ADD3: variants seen among roughly 807,000 people sequenced by gnomAD.
ADD3 encodes the protein adducin 3, also known as gamma-adducin.
In ADD3, 25 loss-of-function variants were observed where a neutral mutation model predicts 80.2. That is an observed-to-expected ratio of 0.31 (90% CI 0.23 to 0.44). The LOEUF is 0.44. ADD3 is among the 20% of genes least tolerant of loss of function. The probability of loss-of-function intolerance (pLI) is 1.00; values close to 1 mark genes in which losing one functional copy is unlikely to be tolerated. For synonymous variants in ADD3, 284 were observed against 289.6 expected (o/e 0.98, Z 0.20); for missense variants, 829 against 847.5 (o/e 0.98, Z 0.27).
rs1471237595 is a variant in ADD3, at chr10:110,115,464, G to A, written c.335-795G>A. On this transcript the variant is annotated intron_variant, in intron 3 of 14. Coordinates refer to ENST00000356080, the MANE Select transcript of ADD3 (RefSeq NM_016824.5). The stretch of plus-strand genomic sequence containing the variant: ...AGAACTAAAGACCAGGGAGTGAGTC[G>A]TCTACACAAAAATAACAATAGGGAG... Among the ~76,000 whole-genome samples, 5 of 152,030 alleles carry A rather than the reference G, an allele frequency of 3.3e-5. No individual in the cohort carries two copies. In the South Asian group the frequency reaches 8.3e-4, roughly 25 times the overall value.
chr10:110,006,370 C>G (rs577100799), upstream of ADD3, among the ~76,000 whole-genome samples: 1 of 152,196 alleles, frequency 6.6e-6, no homozygotes, highest in South Asian at 2.1e-4. Flanking sequence ...AAAAGGCTAA[C>G]CTTGATGCAT....
upstream of ADD3, among the ~76,000 whole-genome samples, chr10:110,003,607 A>T (rs544648476): frequency 5.3e-5 from 8 of 152,288 alleles, no homozygotes; most frequent in Admixed American, 5.2e-4. Context: ...ATACTGAGGC[A>T]CAAGCATGTC....
intron 1 of ADD3, among the ~76,000 whole-genome samples, chr10:110,096,594 G>T (rs181863685): frequency 4.9e-4 from 75 of 152,234 alleles, no homozygotes; most frequent in African/African-American, 1.6e-3. Context: ...AGTTAGCTGG[G>T]GGGGGTCTGC....
chr10:110,029,858 A>G (rs1423541522), intron 1 of ADD3, among the ~76,000 whole-genome samples: 1 of 152,240 alleles, frequency 6.6e-6, no homozygotes, highest in African/African-American at 2.4e-5. Context: ...ATCCTGACAA[A>G]TCAGATATAA....
In ADD3 at chr10:110,119,212, T is replaced by C. The variant is rs745630145; in HGVS notation, c.719T>C (p.Val240Ala). ...IHIHTLATAA[V>A]SSMKCGILPI... ...CTTGGTATGGGCCAAACCAAATAGGTATCCTCCATGAAATGTGGGATCCTT... is the reference window on the plus strand; with the variant it reads ...CTTGGTATGGGCCAAACCAAATAGGCATCCTCCATGAAATGTGGGATCCTT... The change falls in exon 7 of 15, where the codon GTA becomes GCA. Residue 240 changes from valine to alanine, a missense_variant and splice_region_variant. Val to Ala is a moderately conservative substitution (Grantham distance 64). Transcript: ENST00000356080. 2.0e-5 allele frequency: 32 copies of C among 1,613,922 alleles called. No homozygotes were observed. The highest frequency in any genetic ancestry group is 2.6e-5 in the Non-Finnish European group (31 of 1,179,974).
chr10:110,132,082 C>T (rs1315747498), intron 13 of ADD3, among the ~76,000 whole-genome samples: 1 of 152,190 alleles, frequency 6.6e-6, no homozygotes. Context: ...CTTTTGTAAC[C>T]TGTACGTAAA....
intron 1 of ADD3, among the ~76,000 whole-genome samples, chr10:110,036,375 CTTTTT>C (rs551028000): frequency 4.3e-5 from 5 of 116,796 alleles, no homozygotes; most frequent in African/African-American, 1.7e-4. Context: ...TAGAAAGTGT[CTTTTT>C]TTTTTTTTTT....
chr10:110,092,368 C>T (rs1172719408), intron 1 of ADD3, among the ~76,000 whole-genome samples: 3 of 152,118 alleles, frequency 2.0e-5, no homozygotes, highest in Non-Finnish European at 1.5e-5. Flanking sequence ...TACATATATA[C>T]CTTCGAATAC....
At chr10:110,078,850 T>C (rs1845682543) in intron 1 of ADD3, among the ~76,000 whole-genome samples, 2 of 152,260 alleles carry the variant, frequency 1.3e-5, no homozygotes, top group Admixed American at 6.5e-5. Flanking sequence ...TTTACAGTTA[T>C]GCTGGAGCAA....
At position 110,110,305 on chromosome 10, in the gene ADD3, A is replaced by G. The variant is rs115069528; in HGVS notation, c.196-2472A>G. 5.3e-3 allele frequency among the ~76,000 whole-genome samples: 814 copies of G among 152,252 alleles called. 6 individuals are homozygous for G. Among genetic ancestry groups the G allele is most frequent in the African/African-American group, 0.019 (781 of 41,534 alleles). On this transcript the variant is annotated intron_variant, in intron 2 of 14. Transcript: ENST00000356080. ...TATCCAAGATGGGTGTGGGTCGTGT[A>G]TCCATGCATCTGTATATATGTATGT...
At position 110,132,498 on chromosome 10, in the gene ADD3, C is replaced by A. The variant is rs1853158767; in HGVS notation, c.1828+98C>A. ...CGTGAGGAAGTTGAATACCTCATCACAGTAAGTTTTCCATATTTTACTTAT... is the reference window on the plus strand; with the variant it reads ...CGTGAGGAAGTTGAATACCTCATCAAAGTAAGTTTTCCATATTTTACTTAT... On this transcript the variant is annotated intron_variant, in intron 14 of 14. Transcript: ENST00000356080. The A allele has an allele frequency of 2.9e-6, 2 of 681,362 alleles. No homozygotes were observed. The highest frequency in any genetic ancestry group is 5.5e-5 in the East Asian group (2 of 36,328). The allele number at this position is 681,362 out of a possible 1,614,324, so 42.2% of individuals were successfully genotyped here.
intron 12 of ADD3, among the ~76,000 whole-genome samples, chr10:110,129,355 G>C (rs1254030708): frequency 6.6e-6 from 1 of 151,986 alleles, no homozygotes; most frequent in Non-Finnish European, 1.5e-5. Flanking sequence ...CTCCATGTTG[G>C]TCAGGCTAGT....
Position 110,125,862 on chromosome 10 carries a change from G to A in ADD3, c.1438G>A (p.Gly480Arg). The A allele has an allele frequency of 1.2e-6, 2 of 1,609,700 alleles. No individual in the cohort carries two copies. Among genetic ancestry groups the A allele is most frequent in the Non-Finnish European group, 1.7e-6 (2 of 1,177,092 alleles). ...KAEDSSKVSGGTPIKIEDPNQ... is the reference protein window; with the variant it reads ...KAEDSSKVSGRTPIKIEDPNQ... ...AGAAGACTCATCTAAAGTTAGTGGTGGAACACCTATCAAAATTGAAGATCC... is the reference window on the plus strand; with the variant it reads ...AGAAGACTCATCTAAAGTTAGTGGTAGAACACCTATCAAAATTGAAGATCC... The change falls in exon 11 of 15, where the codon GGA (glycine) becomes AGA (arginine). Residue 480 changes from glycine to arginine, a missense_variant. Physicochemically the swap from Gly to Arg is moderately radical, Grantham distance 125 (BLOSUM62 -2). Coordinates refer to ENST00000356080, the MANE Select transcript of ADD3 (RefSeq NM_016824.5).
upstream of ADD3, among the ~76,000 whole-genome samples, chr10:110,007,014 C>T (rs28365883): frequency 0.028 from 4,188 of 151,968 alleles, 206 homozygotes; most frequent in East Asian, 0.2. Flanking sequence ...AAAGTGTGCA[C>T]CGCTGGGAGG....
chr10:110,017,887 GTATCTTGTT>G (rs1443648135), intron 1 of ADD3, among the ~76,000 whole-genome samples: 1 of 152,138 alleles, frequency 6.6e-6, no homozygotes, highest in Non-Finnish European at 1.5e-5. Flanking sequence ...AGCATAAAAG[GTATCTTGTT>G]TAAAAAGGTT....
In ADD3 at chr10:110,031,992, A is replaced by G. The variant is rs567217735; in HGVS notation, c.-30+23693A>G. ...TCTTATTGGCAGCCAGTTGAACGGTATAGATCAAGCCTATGACTTTCTCAC... is the reference window on the plus strand; with the variant it reads ...TCTTATTGGCAGCCAGTTGAACGGTGTAGATCAAGCCTATGACTTTCTCAC... On this transcript the variant is annotated intron_variant, in intron 1 of 14. Coordinates refer to ENST00000356080, the MANE Select transcript of ADD3 (RefSeq NM_016824.5). Among the ~76,000 whole-genome samples the G allele has an allele frequency of 7.9e-4, 120 of 152,170 alleles. 1 individual carries two copies. The highest frequency in any genetic ancestry group is 2.8e-3 in the African/African-American group (116 of 41,502).
intron 8 of ADD3, 27 bp from the exon 9 acceptor site, chr10:110,122,081 GTC>G: frequency 6.4e-7 from 1 of 1,573,642 alleles, no homozygotes; most frequent in Non-Finnish European, 8.6e-7. Context: ...ATAGTTTTGT[GTC>G]TCTGTATATT....
At chr10:110,089,154 G>C (rs1847168189) in intron 1 of ADD3, among the ~76,000 whole-genome samples, 2 of 151,904 alleles carry the variant, frequency 1.3e-5, no homozygotes, top group African/African-American at 2.4e-5. Flanking sequence ...TGTGAGAGTT[G>C]ATGTTTCTTT....
intron 1 of ADD3, chr10:110,079,285 G>A (rs574988727): frequency 2.0e-5 from 3 of 152,050 alleles, no homozygotes; most frequent in Admixed American, 6.5e-5. Context: ...CTGCTTTAAC[G>A]TACTTTTAAA....
Sources: gnomAD v4.1 joint callset for allele counts (sites outside exome capture counted in the v4.1 genomes callset) on GRCh38, gnomAD v4.1.1 for gene constraint, MANE v1.5 for transcripts, NCBI Gene and HGNC (gene_info 2026-07-23, HGNC 2026-07-21) for gene names.